TNNI1: variants seen among roughly 807,000 people sequenced by gnomAD.
TNNI1 encodes troponin I, slow skeletal muscle.
A neutral mutation model predicts 26.7 loss-of-function variants in TNNI1; 14 were observed. The observed-to-expected ratio is 0.52, with a 90% CI of 0.35 to 0.82. The LOEUF (loss-of-function observed/expected upper bound fraction) is 0.82, where lower values mean the gene tolerates loss of function less well. Ranked by LOEUF, TNNI1 falls within the 40% of genes least tolerant of loss-of-function variation. TNNI1 has a pLI of 0.01. For synonymous variants in TNNI1, 79 were observed against 98.2 expected, an observed-to-expected ratio of 0.80 and a Z score of 1.16; for missense variants, 164 against 257.0, an observed-to-expected ratio of 0.64 and a Z score of 2.47.
chr1:201,414,764 A>C, intron 4 of TNNI1, 115 bp from the exon 5 acceptor site: 1 of 1,500,090 alleles, frequency 6.7e-7, no homozygotes, highest in Non-Finnish European at 9.0e-7. Flanking sequence ...CCAGTGTAGA[A>C]GTGTATGCAG....
chr1:201,416,993 C>G, intron 3 of TNNI1, 123 bp downstream of exon 3: 5 of 1,155,822 alleles, frequency 4.3e-6, no homozygotes, highest in Middle Eastern at 1.9e-4. Flanking sequence ...ATACCCTACA[C>G]CCCCTGGACT....
At chr1:201,416,896 C>A (rs1662750621) in intron 3 of TNNI1, among the ~76,000 whole-genome samples, 2 of 152,252 alleles carry the variant, frequency 1.3e-5, no homozygotes, top group South Asian at 4.1e-4. Flanking sequence ...GGTACACTGG[C>A]ACAGCAACTC....
At chr1:201,410,481 G>C in intron 7 of TNNI1, 46 bp from the exon 8 acceptor site, 1 of 1,546,480 alleles carries the variant, frequency 6.5e-7, no homozygotes, top group Non-Finnish European at 8.9e-7. Flanking sequence ...AGGCTGGACG[G>C]CCCCCCAGCT....
chr1:201,414,604 C>G lies in TNNI1; in HGVS notation c.103G>C (p.Glu35Gln). 6.2e-7 allele frequency: 1 copy of G among 1,613,996 alleles called. No homozygotes were observed. The highest frequency in any genetic ancestry group is 8.5e-7 in the Non-Finnish European group (1 of 1,180,028). ...KAKECWEQEH[E>Q]EREAEKVRYL... ...CGCACCTTCTCAGCCTCGCGCTCCT[C>G]GTGCTCCTGCTCCCAGCATTCCTTG... The change falls in exon 5 of 9, where the codon GAG becomes CAG. Residue 35 changes from glutamate (E) to glutamine (Q), a missense_variant. By Grantham distance (29) the Glu-to-Gln change is conservative. Transcript: ENST00000361379.
intron 2 of TNNI1, 71 bp downstream of exon 2, chr1:201,417,712 A>G (rs544666645): frequency 1.6e-6 from 2 of 1,272,700 alleles, no homozygotes; most frequent in South Asian, 6.7e-5. Context: ...TGGTGCCTCC[A>G]CTGCGGGGCT....
At position 201,417,108 on chromosome 1, in the gene TNNI1, T is replaced by C. The variant is rs138506337; in HGVS notation, c.15+8A>G. 2,134 of 1,613,868 alleles carry C rather than the reference T, an allele frequency of 1.3e-3. 19 individuals carry two copies. In the African/African-American group the frequency reaches 0.025, roughly 19 times the overall value. ...AACCAAGACAGAGATACCCCAAATA[T>C]CACTTACCTCGCTTCAGGCATCCAT... is the stretch of plus-strand genomic sequence containing the variant. On this transcript the variant is annotated splice_region_variant and intron_variant, in intron 3 of 8. Coordinates refer to ENST00000361379, the MANE Select transcript of TNNI1 (RefSeq NM_003281.4).
In TNNI1 at chr1:201,411,310, AAGCTGGT is replaced by A. The variant is rs1169451345; in HGVS notation, c.456+40_456+46del. ...GCCATGTGAGGGGTTGACAAGGGGA[AAGCTGGT>A]AGGGCAGAGGGTGGAATGTTCTGAG... On this transcript the variant is annotated intron_variant, in intron 7 of 8. Transcript: ENST00000361379. The surrounding 1 kb of genome is among the most constrained non-coding windows in gnomAD (Gnocchi z 4.6). 4 of 1,601,930 alleles carry A rather than the reference AAGCTGGT, an allele frequency of 2.5e-6. No homozygotes were observed. Among genetic ancestry groups the A allele is most frequent in the Non-Finnish European group, 3.4e-6 (4 of 1,174,944 alleles).
chr1:201,413,852 C>T (rs1662684785), intron 5 of TNNI1, among the ~76,000 whole-genome samples: 1 of 152,132 alleles, frequency 6.6e-6, no homozygotes, highest in Admixed American at 6.5e-5. Context: ...GAAAAGGTCT[C>T]ACACTATGTT....
At position 201,412,914 on chromosome 1, in the gene TNNI1, C is replaced by T. The variant is rs901526680; in HGVS notation, c.279+118G>A. 1.1e-5 allele frequency: 11 copies of T among 997,858 alleles called. No individual in the cohort carries two copies. In the African/African-American group the frequency reaches 1.4e-4, roughly 13 times the overall value. 61.8% of individuals were successfully genotyped at this position (997,858 alleles called of 1,614,324 possible). A position where few individuals can be genotyped will look rare whatever the true frequency, so the allele number is the denominator to read the frequency against. ...AGGGCAGACAAACCAAAGTTTCCTG[C>T]TTAAGTGGCCCCTTCCTAGGCCCTG... is the stretch of plus-strand genomic sequence containing the variant. On this transcript the variant is annotated intron_variant, in intron 6 of 8. Coordinates refer to ENST00000361379, the MANE Select transcript of TNNI1 (RefSeq NM_003281.4).
intron 2 of TNNI1, 60 bp from the exon 3 acceptor site, chr1:201,417,179 A>C: frequency 2.5e-6 from 4 of 1,611,678 alleles, no homozygotes; most frequent in Non-Finnish European, 3.4e-6. Flanking sequence ...GAGTATGAAC[A>C]ATGAGGATTA....
Position 201,407,787 on chromosome 1 carries a change from G to C in TNNI1, c.*1466C>G, listed in dbSNP as rs1662548534. On this transcript the variant is annotated 3_prime_UTR_variant, in exon 9 of 9. Transcript: ENST00000361379. ...TGACCGGATGTGGTCGCTCACACCTGTAATCCCAGAACTTTGGGAGGCCGA... is the reference window on the plus strand; with the variant it reads ...TGACCGGATGTGGTCGCTCACACCTCTAATCCCAGAACTTTGGGAGGCCGA... 1 of 152,184 alleles carries C rather than the reference G, an allele frequency of 6.6e-6. No individual in the cohort carries two copies. The highest frequency in any genetic ancestry group is 1.5e-5 in the Non-Finnish European group (1 of 68,078). The allele number at this position is 152,184 out of a possible 1,614,324, so 9.4% of individuals were successfully genotyped here.
intron 1 of TNNI1, among the ~76,000 whole-genome samples, chr1:201,420,279 C>T (rs1412513111): frequency 1.3e-5 from 2 of 152,254 alleles, no homozygotes; most frequent in African/African-American, 2.4e-5. Flanking sequence ...TGTGCTCTGA[C>T]ACCCCTCAGA....
intron 5 of TNNI1, among the ~76,000 whole-genome samples, chr1:201,413,511 C>A (rs1180235351): frequency 6.6e-6 from 1 of 152,064 alleles, no homozygotes. Flanking sequence ...TTTGGGAGGC[C>A]AAGGTGGGGG....
intron 6 of TNNI1, among the ~76,000 whole-genome samples, 165 bp downstream of exon 6, chr1:201,412,867 C>T (rs1662662027): frequency 6.6e-6 from 1 of 152,176 alleles, no homozygotes; most frequent in South Asian, 2.1e-4. Context: ...TCCACTCTAC[C>T]CATCTCCAGC....
At chr1:201,413,738 C>T (rs1281109356) in intron 5 of TNNI1, among the ~76,000 whole-genome samples, 1 of 151,934 alleles carries the variant, frequency 6.6e-6, no homozygotes, top group Non-Finnish European at 1.5e-5. Flanking sequence ...GAATGAGACT[C>T]TGCCTCAAAA....
rs1662531485 is a variant in TNNI1 at position 201,407,036 on chromosome 1, G to A, written c.*2217C>T. The stretch of plus-strand genomic sequence containing the variant: ...CAGAGCAGGTCTCCTGCCTTTACAT[G>A]ACTGGGTGGATACCCCAATCTGCCA... On this transcript the variant is annotated 3_prime_UTR_variant, in exon 9 of 9. Transcript: ENST00000361379. The A allele has an allele frequency of 6.6e-6, 1 of 152,258 alleles. No individual in the cohort carries two copies. Among genetic ancestry groups the A allele is most frequent in the Non-Finnish European group, 1.5e-5 (1 of 68,060 alleles). 9.4% of individuals were successfully genotyped at this position (152,258 alleles called of 1,614,324 possible).
In TNNI1 at chr1:201,404,499, G is replaced by A. The variant is rs12569099; in HGVS notation, c.*4754C>T. The A allele has an allele frequency of 4.6e-4, 70 of 152,272 alleles. 1 individual carries two copies. The East Asian group carries it at 0.013, about 29-fold the overall frequency. 9.4% of individuals were successfully genotyped at this position (152,272 alleles called of 1,614,324 possible). ...ATTGTGTAATATAAATACTGACATTGTGCTGCCACCATTTTATTTTGTGAA... is the reference window on the plus strand; with the variant it reads ...ATTGTGTAATATAAATACTGACATTATGCTGCCACCATTTTATTTTGTGAA... On this transcript the variant is annotated 3_prime_UTR_variant, in exon 9 of 9. Coordinates refer to ENST00000361379, the MANE Select transcript of TNNI1 (RefSeq NM_003281.4).
chr1:201,417,876 C>CTCCCAAGGCCCAG, intron 1 of TNNI1, 64 bp from the exon 2 acceptor site: 1 of 1,209,644 alleles, frequency 8.3e-7, no homozygotes, highest in Non-Finnish European at 1.1e-6. Context: ...CCCAGCTGGG[C>CTCCCAAGGCCCAG]CTTGGGAGCC....
In TNNI1 at chr1:201,405,780, C is replaced by G. The variant is rs1030411698; in HGVS notation, c.*3473G>C. On this transcript the variant is annotated 3_prime_UTR_variant, in exon 9 of 9. Transcript: ENST00000361379. ...AGCAACAGCTGGTCTCCCAAGGGCTCTGGGACAGGCAAGAGTGTAGCAGGT... is the reference window on the plus strand; with the variant it reads ...AGCAACAGCTGGTCTCCCAAGGGCTGTGGGACAGGCAAGAGTGTAGCAGGT... 1 of 152,340 alleles carries G rather than the reference C, an allele frequency of 6.6e-6. No individual in the cohort carries two copies. Among genetic ancestry groups the G allele is most frequent in the African/African-American group, 2.4e-5 (1 of 41,430 alleles). 9.4% of individuals were successfully genotyped at this position (152,340 alleles called of 1,614,324 possible).
Sources: allele counts gnomAD v4.1 joint callset (sites outside exome capture counted in the v4.1 genomes callset), GRCh38; gene constraint gnomAD v4.1.1; non-coding constraint Gnocchi (gnomAD v3.1); transcripts MANE v1.5; gene names NCBI Gene and HGNC (gene_info 2026-07-23, HGNC 2026-07-21).